Variants in GTF2A2 observed in about 807,000 individuals in gnomAD.
GTF2A2 encodes the protein transcription initiation factor IIA subunit 2.
GTF2A2 carries 9 observed loss-of-function variants against 14.3 expected under a neutral mutation model. The ratio of observed to expected loss-of-function variants is 0.63; its 90% CI spans 0.38 to 1.10. GTF2A2 has a LOEUF of 1.10. Among genes scored for constraint, GTF2A2 ranks in the 50% least tolerant of loss-of-function variants. The pLI is 0.01. For missense variants in GTF2A2, 90 were observed against 124.6 expected, an observed-to-expected ratio of 0.72 and a Z score of 1.32; for synonymous variants, 56 against 46.0, an observed-to-expected ratio of 1.22 and a Z score of -0.88.
At chr15:59,648,446 C>T (rs1441177732) in intron 3 of GTF2A2, among the ~76,000 whole-genome samples, 1 of 143,270 alleles carries the variant, frequency 7.0e-6, no homozygotes, top group Non-Finnish European at 1.5e-5. Context: ...AAAAGCCTAG[C>T]CTAGTTACAA....
chr15:59,650,616 AGT>A, intron 3 of GTF2A2, 51 bp downstream of exon 3: 1 of 984,588 alleles, frequency 1.0e-6, no homozygotes, highest in Non-Finnish European at 1.6e-6. Flanking sequence ...AAAAAAAATC[AGT>A]GTTTTAACAA....
chr15:59,651,468 T>C (rs1365691553), intron 2 of GTF2A2: 1 of 152,190 alleles, frequency 6.6e-6, no homozygotes, highest in Non-Finnish European at 1.5e-5. Flanking sequence ...TGAGCCATGG[T>C]GCCCAGCTGG....
chr15:59,639,271 C>G (rs1312891184), intron 4 of GTF2A2, 114 bp from the exon 5 acceptor site: 6 of 721,468 alleles, frequency 8.3e-6, no homozygotes, highest in Admixed American at 2.0e-5. Context: ...GTGGTGGTGG[C>G]TTGCAGGGTG....
At chr15:59,646,333 G>A (rs1196851204) in intron 3 of GTF2A2, among the ~76,000 whole-genome samples, 1 of 152,178 alleles carries the variant, frequency 6.6e-6, no homozygotes, top group Non-Finnish European at 1.5e-5. Flanking sequence ...TGGGATTACA[G>A]GCATGAACCA....
rs1406793410 is a variant in GTF2A2, at chr15:59,652,215, C to T, written c.63G>A (p.Glu21=). ...LGNSLQESLD[E]LIQSQQITPQ... ...TAATTCAGTCTCCCACCTGTATGAG[C>T]TCATCTAGGCTCTCCTGAAGACTGT... is the stretch of plus-strand genomic sequence containing the variant. Residue 21 remains glutamate (E), a synonymous_variant, in exon 2 of 5, where the codon GAG becomes GAA. Coordinates refer to ENST00000396060, the MANE Select transcript of GTF2A2 (RefSeq NM_004492.3). The T allele has an allele frequency of 1.9e-6, 3 of 1,572,586 alleles. No homozygotes were observed. Among genetic ancestry groups the T allele is most frequent in the Non-Finnish European group, 2.6e-6 (3 of 1,144,222 alleles).
intron 3 of GTF2A2, among the ~76,000 whole-genome samples, chr15:59,648,359 G>C (rs1395527493): frequency 7.6e-6 from 1 of 131,748 alleles, no homozygotes. Context: ...AGTGAGCCGA[G>C]ATTGCGCCAC....
At chr15:59,647,329 C>T (rs1479038837) in intron 3 of GTF2A2, among the ~76,000 whole-genome samples, 1 of 152,082 alleles carries the variant, frequency 6.6e-6, no homozygotes, top group African/African-American at 2.4e-5. Flanking sequence ...GAACTCCTGC[C>T]CTCAAGTGAT....
chr15:59,641,333 T>C (rs1216393781), intron 4 of GTF2A2, among the ~76,000 whole-genome samples: 1 of 152,178 alleles, frequency 6.6e-6, no homozygotes, highest in Admixed American at 6.5e-5. Context: ...TTTTTTGTAT[T>C]CTCTACATTT....
rs573410479 is a variant in GTF2A2, at chr15:59,638,260, C to CAACT, written c.*868_*871dup. On this transcript the variant is annotated 3_prime_UTR_variant, in exon 5 of 5. Coordinates refer to ENST00000396060, the MANE Select transcript of GTF2A2 (RefSeq NM_004492.3). The stretch of plus-strand genomic sequence containing the variant: ...GGACTACAGTGGCATGCTGAGGTAA[C>CAACT]AACTGCAGGAGCATCGAGGTAACAG... The CAACT allele has an allele frequency of 2.1e-3, 315 of 152,206 alleles. 2 individuals carry two copies. The highest frequency in any genetic ancestry group is 7.1e-3 in the African/African-American group (296 of 41,510). 9.4% of individuals were successfully genotyped at this position (152,206 alleles called of 1,614,324 possible).
chr15:59,650,808 G>C, intron 2 of GTF2A2, 35 bp from the exon 3 acceptor site: 1 of 1,097,592 alleles, frequency 9.1e-7, no homozygotes, highest in South Asian at 1.3e-5. Context: ...TCCCGTTAAG[G>C]AAGAACATTA....
At chr15:59,643,580 A>G (rs1324439489) in intron 3 of GTF2A2, among the ~76,000 whole-genome samples, 1 of 147,390 alleles carries the variant, frequency 6.8e-6, no homozygotes, top group Non-Finnish European at 1.5e-5. Context: ...CTTGAGCATC[A>G]AAAGGAAATT....
rs1299894351 is a variant in GTF2A2, at chr15:59,638,512, T to C, written c.*620A>G. 2 of 152,094 alleles carry C rather than the reference T, an allele frequency of 1.3e-5. No homozygotes were observed. The highest frequency in any genetic ancestry group is 4.8e-5 in the African/African-American group (2 of 41,258). The allele number at this position is 152,094 out of a possible 1,614,324, so 9.4% of individuals were successfully genotyped here. A position where few individuals can be genotyped will look rare whatever the true frequency, so the allele number is the denominator to read the frequency against. ...CCTGTCATGTGGGGGGACTATTTTG[T>C]TTGGGTTTTTTTCCCCCTTCCTCAT... On this transcript the variant is annotated 3_prime_UTR_variant, in exon 5 of 5. Transcript: ENST00000396060.
intron 3 of GTF2A2, among the ~76,000 whole-genome samples, chr15:59,647,929 G>A (rs957131095): frequency 2.0e-5 from 3 of 152,084 alleles, no homozygotes; most frequent in Non-Finnish European, 4.4e-5. Flanking sequence ...CAAAAAACAG[G>A]GAAAAGGAAA....
chr15:59,640,737 C>T lies in GTF2A2; in HGVS notation c.304+1399G>A, dbSNP rs1035623938. On this transcript the variant is annotated intron_variant, in intron 4 of 4. Coordinates refer to ENST00000396060, the MANE Select transcript of GTF2A2 (RefSeq NM_004492.3). ...ATAAAAATAAATATAACAAGGGTTA[C>T]GAGGATGCTGTTACCTTAAATATGA... 3.3e-5 allele frequency among the ~76,000 whole-genome samples: 5 copies of T among 151,984 alleles called. 1 individual carries two copies. Among genetic ancestry groups the T allele is most frequent in the Admixed American group, 1.3e-4 (2 of 15,256 alleles).
At chr15:59,648,167 G>T (rs1891668267) in intron 3 of GTF2A2, among the ~76,000 whole-genome samples, 1 of 151,992 alleles carries the variant, frequency 6.6e-6, no homozygotes, top group African/African-American at 2.4e-5. Flanking sequence ...CCAGCACTTT[G>T]GGAGGCCGAG....
rs1316014278 is a variant in GTF2A2, at chr15:59,646,502, T to C, written c.177+4167A>G. Among the ~76,000 whole-genome samples the C allele has an allele frequency of 2.0e-5, 3 of 152,206 alleles. No homozygotes were observed. The East Asian group carries it at 5.8e-4, about 29-fold the overall frequency. On this transcript the variant is annotated intron_variant, in intron 3 of 4. Transcript: ENST00000396060. ...AAATTACTTTCATTGGATAATGTTA[T>C]GTAAATAATTTAAACAAAGCAAGTC...
At chr15:59,641,395 A>T (rs1891422048) in intron 4 of GTF2A2, among the ~76,000 whole-genome samples, 3 of 152,136 alleles carry the variant, frequency 2.0e-5, no homozygotes, top group Non-Finnish European at 4.4e-5. Context: ...AATATATAAA[A>T]CAAATCCGAC....
intron 3 of GTF2A2, among the ~76,000 whole-genome samples, chr15:59,648,401 C>CAAAAAAAAA (rs71425875): frequency 7.6e-4 from 69 of 90,524 alleles, no homozygotes; most frequent in African/African-American, 3.1e-3. Context: ...GACTTCGTCT[C>CAAAAAAAAA]AAAAAAAAAA....
intron 3 of GTF2A2, chr15:59,644,314 A>T (rs182879289): frequency 6.6e-6 from 1 of 152,276 alleles, no homozygotes; most frequent in Non-Finnish European, 1.5e-5. Context: ...GGCAACACTT[A>T]AATGCCTAAA....
Sources: gnomAD v4.1 joint callset for allele counts (sites outside exome capture counted in the v4.1 genomes callset) on GRCh38, gnomAD v4.1.1 for gene constraint, MANE v1.5 for transcripts, NCBI Gene and HGNC (gene_info 2026-07-23, HGNC 2026-07-21) for gene names.